MRTFA: variants seen among roughly 807,000 people sequenced by gnomAD.
MRTFA encodes the protein myocardin related transcription factor A.
Under a neutral mutation model 83.5 loss-of-function variants are expected in MRTFA, and 20 were observed. That is an observed-to-expected ratio of 0.24 (90% CI 0.17 to 0.35). The LOEUF is 0.35. Ranked by LOEUF, MRTFA falls within the 10% of genes least tolerant of loss-of-function variation. The pLI is 1.00. For missense variants in MRTFA, 1,200 were observed against 1,224.7 expected (o/e 0.98, Z 0.30); for synonymous variants, 659 against 541.2 (o/e 1.22, Z -3.02).
intron 4 of MRTFA, among the ~76,000 whole-genome samples, chr22:40,458,639 AAGG>A (rs1321867826): frequency 2.6e-5 from 4 of 152,188 alleles, no homozygotes; most frequent in Non-Finnish European, 5.9e-5. Flanking sequence ...GCAAAATTCA[AAGG>A]AGAAGAATTT....
intron 3 of MRTFA, 98 bp from the exon 4 acceptor site, chr22:40,463,384 G>T (rs958384521): frequency 9.9e-7 from 1 of 1,014,992 alleles, no homozygotes; most frequent in Non-Finnish European, 1.5e-6. Context: ...AAAAACAGAA[G>T]GATGTAGTGT....
chr22:40,545,473 C>T (rs1220546713), intron 3 of MRTFA, among the ~76,000 whole-genome samples: 1 of 152,030 alleles, frequency 6.6e-6, no homozygotes, highest in Non-Finnish European at 1.5e-5. Context: ...TCTTGTTCCC[C>T]AGGCTGGAGT....
At chr22:40,614,248 A>T (rs947055216) in intron 1 of MRTFA, among the ~76,000 whole-genome samples, 6 of 151,136 alleles carry the variant, frequency 4.0e-5, no homozygotes, top group African/African-American at 1.2e-4. Flanking sequence ...AAAAAAAAAT[A>T]AAAAAATTTT....
intron 8 of MRTFA, 132 bp from the exon 9 acceptor site, chr22:40,423,817 GAGA>G: frequency 1.2e-6 from 1 of 819,724 alleles, no homozygotes; most frequent in Non-Finnish European, 1.8e-6. Flanking sequence ...ACCGGAGGAG[GAGA>G]AGAGCAACCC....
intron 3 of MRTFA, among the ~76,000 whole-genome samples, chr22:40,487,048 G>A (rs1313617447): frequency 2.6e-5 from 4 of 152,180 alleles, no homozygotes; most frequent in Non-Finnish European, 5.9e-5. Flanking sequence ...TAACAAAAGA[G>A]TGTAAACTTC....
At chr22:40,463,521 C>A (rs985176840) in intron 3 of MRTFA, 2 of 451,652 alleles carry the variant, frequency 4.4e-6, no homozygotes, top group Admixed American at 7.8e-5. Flanking sequence ...CGATAACAAT[C>A]CACAAAGCAT....
chr22:40,546,115 C>A (rs1602412588), intron 3 of MRTFA, among the ~76,000 whole-genome samples: 1 of 152,180 alleles, frequency 6.6e-6, no homozygotes, highest in Non-Finnish European at 1.5e-5. Context: ...ACACGGTACA[C>A]CCATTCATGA....
chr22:40,479,129 G>C (rs184913907), intron 3 of MRTFA, among the ~76,000 whole-genome samples: 34 of 152,258 alleles, frequency 2.2e-4, no homozygotes, highest in Admixed American at 1.3e-3. Flanking sequence ...TAAGCAAGCT[G>C]AGCGCTTGCA....
intron 3 of MRTFA, among the ~76,000 whole-genome samples, chr22:40,493,896 T>C (rs1285867149): frequency 2.6e-5 from 4 of 152,254 alleles, no homozygotes; most frequent in Admixed American, 2.6e-4. Flanking sequence ...CTCAGTTCTG[T>C]GCCTGATGTA....
chr22:40,548,340 C>A (rs2055396883), intron 3 of MRTFA, among the ~76,000 whole-genome samples: 1 of 100,740 alleles, frequency 9.9e-6, no homozygotes, highest in African/African-American at 4.2e-5. Context: ...GCCTGGGTGA[C>A]AGAGCAAGAC....
intron 3 of MRTFA, among the ~76,000 whole-genome samples, chr22:40,519,975 A>T (rs2054834480): frequency 6.6e-6 from 1 of 152,254 alleles, no homozygotes; most frequent in Non-Finnish European, 1.5e-5. Flanking sequence ...CAATTCAGAC[A>T]CAATAAACTT....
chr22:40,518,352 A>C (rs765310947), intron 3 of MRTFA, among the ~76,000 whole-genome samples: 3 of 152,002 alleles, frequency 2.0e-5, no homozygotes, highest in Non-Finnish European at 4.4e-5. Flanking sequence ...CCAGGGAATT[A>C]ATGTCATAAT....
At chr22:40,439,609 A>G (rs2053237392) in intron 4 of MRTFA, among the ~76,000 whole-genome samples, 1 of 152,024 alleles carries the variant, frequency 6.6e-6, no homozygotes, top group Non-Finnish European at 1.5e-5. Context: ...TTAGATGCAT[A>G]TCTGAGTCCA....
At position 40,536,526 on chromosome 22, in the gene MRTFA, C is replaced by A. The variant is rs1219142013; in HGVS notation, c.241+15580G>T. Among the ~76,000 whole-genome samples, 33 of 126,316 alleles carry A rather than the reference C, an allele frequency of 2.6e-4. 1 individual carries two copies. In the South Asian group the frequency reaches 9.1e-3, roughly 35 times the overall value. The allele number at this position is 126,316 out of a possible 152,430, so 82.9% of individuals were successfully genotyped here. Reference sequence around the variant, plus strand: ...ATTGCAGCCTCTGCCCGGCCGCCACCCCGTCTGGGAAGTGAGGAGTGTCTC... The same window carrying A: ...ATTGCAGCCTCTGCCCGGCCGCCACACCGTCTGGGAAGTGAGGAGTGTCTC... On this transcript the variant is annotated intron_variant, in intron 3 of 14. Transcript: ENST00000355630.
intron 9 of MRTFA, among the ~76,000 whole-genome samples, chr22:40,422,328 T>C (rs2052858204): frequency 6.6e-6 from 1 of 152,090 alleles, no homozygotes. Context: ...AGTACACTGG[T>C]GAGGTGACTG....
At chr22:40,425,395 TG>T (rs2052932766) in intron 7 of MRTFA, among the ~76,000 whole-genome samples, 1 of 152,180 alleles carries the variant, frequency 6.6e-6, no homozygotes, top group Non-Finnish European at 1.5e-5. Context: ...CGCCCAAGCC[TG>T]GGGAAGTATG....
intron 5 of MRTFA, among the ~76,000 whole-genome samples, chr22:40,435,293 T>A (rs572704038): frequency 6.6e-6 from 1 of 152,292 alleles, no homozygotes; most frequent in South Asian, 2.1e-4. Flanking sequence ...TTCCATATAA[T>A]CACCATGGGA....
chr22:40,513,403 C>G (rs2054699920), intron 3 of MRTFA, among the ~76,000 whole-genome samples: 1 of 151,910 alleles, frequency 6.6e-6, no homozygotes, highest in Non-Finnish European at 1.5e-5. Flanking sequence ...GAGTTCGAGA[C>G]CAGCCTGGCC....
Position 40,418,880 on chromosome 22 carries a change from C to T in MRTFA, c.1858G>A (p.Gly620Arg). 2 of 1,612,606 alleles carry T rather than the reference C, an allele frequency of 1.2e-6. No individual in the cohort carries two copies. The highest frequency in any genetic ancestry group is 1.7e-6 in the Non-Finnish European group (2 of 1,179,840). Residue 620 changes from glycine to arginine, a missense_variant, in exon 12 of 15, where the codon GGG becomes AGG. Physicochemically the swap from Gly to Arg is moderately radical, Grantham distance 125 (BLOSUM62 -2). Coordinates refer to ENST00000355630, the MANE Select transcript of MRTFA (RefSeq NM_020831.6). ...TGCAGCATCTGGTCCTTGTCGCGCC[C>T]CTCTAGCTCCGCCCGCCCCCCAGGG...
Sources: allele counts gnomAD v4.1 joint callset (sites outside exome capture counted in the v4.1 genomes callset), GRCh38; gene constraint gnomAD v4.1.1; transcripts MANE v1.5; gene names NCBI Gene and HGNC (gene_info 2026-07-23, HGNC 2026-07-21).